ASAP1: variants seen among roughly 807,000 people sequenced by gnomAD.
The protein encoded by ASAP1 is ArfGAP with SH3 domain, ankyrin repeat and PH domain 1.
In ASAP1, 43 loss-of-function variants were observed where a neutral mutation model predicts 145.2. The observed-to-expected ratio is 0.30, with a 90% CI of 0.23 to 0.38. The LOEUF (loss-of-function observed/expected upper bound fraction) is 0.38, where lower values mean the gene tolerates loss of function less well. Ranked by LOEUF, ASAP1 falls within the 10% of genes least tolerant of loss-of-function variation. ASAP1 has a pLI of 1.00. For synonymous variants in ASAP1, 546 were observed against 515.5 expected, an observed-to-expected ratio of 1.06 and a Z score of -0.80; for missense variants, 1,018 against 1,355.3, an observed-to-expected ratio of 0.75 and a Z score of 3.91.
intron 4 of ASAP1, among the ~76,000 whole-genome samples, chr8:130,236,660 A>G (rs1251195423): frequency 6.6e-6 from 1 of 152,170 alleles, no homozygotes; most frequent in African/African-American, 2.4e-5. Flanking sequence ...GTTACTTGTG[A>G]CAAATTTACT....
Position 130,187,297 on chromosome 8 carries a change from G to C in ASAP1, c.481-12C>G, listed in dbSNP as rs1814799220. ...GGCTTCTTGAGATCCTTAGAAACGA[G>C]AAAATGAGATTAAAATTGCAACTAC... On this transcript the variant is annotated splice_polypyrimidine_tract_variant and intron_variant, in intron 6 of 29. Transcript: ENST00000518721. 2 of 1,601,822 alleles carry C rather than the reference G, an allele frequency of 1.2e-6. No individual in the cohort carries two copies. Among genetic ancestry groups the C allele is most frequent in the African/African-American group, 1.3e-5 (1 of 74,200 alleles).
chr8:130,295,100 C>G (rs1048930879), intron 3 of ASAP1, among the ~76,000 whole-genome samples: 4 of 151,864 alleles, frequency 2.6e-5, no homozygotes, highest in Admixed American at 6.6e-5. Context: ...CCAGTCTCTA[C>G]AAAATAATAA....
intron 5 of ASAP1, among the ~76,000 whole-genome samples, chr8:130,193,260 T>C (rs932125157): frequency 8.5e-5 from 13 of 152,070 alleles, no homozygotes; most frequent in Admixed American, 2.0e-4. Context: ...TCCCAGCTAC[T>C]TGGGAGGCTG....
Position 130,291,749 on chromosome 8 carries a change from CTTATATTTCCAGGCATGAA to C in ASAP1, c.187-54774_187-54756del, listed in dbSNP as rs1283309100. 3.9e-5 allele frequency among the ~76,000 whole-genome samples: 6 copies of C among 152,176 alleles called. No individual in the cohort carries two copies. The East Asian group carries it at 1.2e-3, about 29-fold the overall frequency. ...TAGCAAGGAGAGAGATTCACTCTTG[CTTATATTTCCAGGCATGAA>C]TTATTTATTTCATTAGATCCCAAGA... On this transcript the variant is annotated intron_variant, in intron 3 of 29. Transcript: ENST00000518721.
intron 3 of ASAP1, among the ~76,000 whole-genome samples, chr8:130,335,034 C>T (rs1824945249): frequency 6.6e-6 from 1 of 152,218 alleles, no homozygotes; most frequent in African/African-American, 2.4e-5. Flanking sequence ...ACTGCTCTGT[C>T]ACTGGGTATG....
intron 24 of ASAP1, among the ~76,000 whole-genome samples, chr8:130,101,206 A>G (rs775240487): frequency 6.6e-6 from 1 of 152,174 alleles, no homozygotes; most frequent in Admixed American, 6.5e-5. Flanking sequence ...TTTGAAGTCA[A>G]GTAGTGTAAT....
chr8:130,122,254 A>C (rs958048699), intron 18 of ASAP1, among the ~76,000 whole-genome samples: 2 of 152,174 alleles, frequency 1.3e-5, no homozygotes, highest in Non-Finnish European at 2.9e-5. Context: ...TCATCTCCTC[A>C]GAATGTAAGC....
intron 16 of ASAP1, among the ~76,000 whole-genome samples, chr8:130,127,526 A>G (rs2097576819): frequency 6.6e-6 from 1 of 152,112 alleles, no homozygotes; most frequent in Admixed American, 6.5e-5. Context: ...CAAGAGGTTT[A>G]CTGACCCATT....
chr8:130,432,040 ATG>A (rs1830154067), intron 1 of ASAP1, among the ~76,000 whole-genome samples: 1 of 91,434 alleles, frequency 1.1e-5, no homozygotes, highest in Non-Finnish European at 2.1e-5. Flanking sequence ...GAGGGGGAAA[ATG>A]AGGTGGGGGA....
At chr8:130,366,833 C>T (rs114139321) in intron 2 of ASAP1, among the ~76,000 whole-genome samples, 3,238 of 149,214 alleles carry the variant, frequency 0.022, 53 homozygotes, top group East Asian at 0.058. Flanking sequence ...GATCAATAAA[C>T]ATTAGCTACT....
At chr8:130,301,814 G>A (rs1301746303) in intron 3 of ASAP1, among the ~76,000 whole-genome samples, 4 of 152,216 alleles carry the variant, frequency 2.6e-5, no homozygotes, top group Non-Finnish European at 5.9e-5. Flanking sequence ...GTTGTTGAGA[G>A]TATCTATTCG....
At chr8:130,276,847 G>C (rs1820943146) in intron 3 of ASAP1, among the ~76,000 whole-genome samples, 1 of 151,782 alleles carries the variant, frequency 6.6e-6, no homozygotes, top group Non-Finnish European at 1.5e-5. Context: ...TTAAGGAACA[G>C]AAATAAAGGG....
chr8:130,366,731 A>T (rs1826966050), intron 2 of ASAP1, among the ~76,000 whole-genome samples: 1 of 152,146 alleles, frequency 6.6e-6, no homozygotes, highest in Non-Finnish European at 1.5e-5. Flanking sequence ...TAAAAGGAAG[A>T]TGATGATAAG....
chr8:130,372,067 G>C (rs1043579844), intron 2 of ASAP1, among the ~76,000 whole-genome samples: 2 of 152,168 alleles, frequency 1.3e-5, no homozygotes, highest in Non-Finnish European at 2.9e-5. Flanking sequence ...CTGAAGACAT[G>C]CAACAGGCCT....
intron 5 of ASAP1, among the ~76,000 whole-genome samples, chr8:130,203,971 T>C (rs1465826617): frequency 6.6e-6 from 1 of 152,228 alleles, no homozygotes; most frequent in East Asian, 1.9e-4. Context: ...TTTTACATTA[T>C]GTCCAAAACA....
intron 3 of ASAP1, among the ~76,000 whole-genome samples, chr8:130,310,924 T>G (rs576080531): frequency 6.6e-6 from 1 of 152,192 alleles, no homozygotes; most frequent in Non-Finnish European, 1.5e-5. Context: ...TGTACAAGTT[T>G]GGGACTCAAG....
chr8:130,283,078 A>T (rs961224098), intron 3 of ASAP1, among the ~76,000 whole-genome samples: 4 of 152,236 alleles, frequency 2.6e-5, no homozygotes, highest in African/African-American at 9.6e-5. Flanking sequence ...AACTAGGCAA[A>T]TTTGGTGGAG....
At position 130,145,328 on chromosome 8, in the gene ASAP1, C is replaced by CT. The variant is rs1417317867; in HGVS notation, c.1080+7407dup. Among the ~76,000 whole-genome samples the CT allele has an allele frequency of 2.6e-5, 4 of 151,898 alleles. No individual in the cohort carries two copies. The East Asian group carries it at 5.8e-4, about 22-fold the overall frequency. ...TCTGAGCTATGGCATATGTTTTTTT[C>CT]TTTTTTTTAGACGGAGTCTCGCTCT... On this transcript the variant is annotated intron_variant, in intron 13 of 29. Transcript: ENST00000518721.
intron 3 of ASAP1, among the ~76,000 whole-genome samples, chr8:130,293,784 A>G (rs1822089999): frequency 6.6e-6 from 1 of 152,250 alleles, no homozygotes; most frequent in Non-Finnish European, 1.5e-5. Context: ...CCTATTGTCC[A>G]GCACAAGGCT....
Sources: gnomAD v4.1 joint callset for allele counts (sites outside exome capture counted in the v4.1 genomes callset) on GRCh38, gnomAD v4.1.1 for gene constraint, MANE v1.5 for transcripts, NCBI Gene and HGNC (gene_info 2026-07-23, HGNC 2026-07-21) for gene names.